Variants in RAP1GAP observed in about 807,000 individuals in gnomAD.
The protein encoded by RAP1GAP is rap1 GTPase-activating protein 1.
In RAP1GAP, 35 loss-of-function variants were observed where a neutral mutation model predicts 87.2. That is an observed-to-expected ratio of 0.40 (90% confidence interval 0.31 to 0.53). The LOEUF (loss-of-function observed/expected upper bound fraction) is 0.53. RAP1GAP is among the 20% of genes least tolerant of loss of function. The pLI is 0.48. For missense variants in RAP1GAP, 734 were observed against 898.9 expected, an observed-to-expected ratio of 0.82 and a Z score of 2.35; for synonymous variants, 375 against 363.9, an observed-to-expected ratio of 1.03 and a Z score of -0.35.
chr1:21,610,380 T>C, intron 13 of RAP1GAP, 105 bp from the exon 14 acceptor site: 2 of 1,212,222 alleles, frequency 1.6e-6, no homozygotes, highest in Non-Finnish European at 2.3e-6. Context: ...AGAGGGCACA[T>C]CTAAGGATTT....
chr1:21,626,225 T>C, intron 3 of RAP1GAP, 79 bp downstream of exon 3: 1 of 1,297,858 alleles, frequency 7.7e-7, no homozygotes. Flanking sequence ...AAAGTCATTC[T>C]TGGGCCTTTC....
intron 1 of RAP1GAP, among the ~76,000 whole-genome samples, chr1:21,661,624 C>T (rs781379353): frequency 6.6e-6 from 1 of 152,150 alleles, no homozygotes; most frequent in Non-Finnish European, 1.5e-5. Flanking sequence ...AAGAGGATGG[C>T]AATGATAATA....
In RAP1GAP at chr1:21,668,966, G is replaced by A. The variant is rs537168640; in HGVS notation, c.-149+288C>T. On this transcript the variant is annotated intron_variant, in intron 1 of 24. Transcript: ENST00000374765. The surrounding 1 kb of genome is among the most constrained non-coding windows in gnomAD (Gnocchi z 6.2). ...ACTGGACTCCCCACCCACCCAGGGG[G>A]GTGGGACCAAAGCCCCCTGGCCGCG... Among the ~76,000 whole-genome samples, 33 of 151,738 alleles carry A rather than the reference G, an allele frequency of 2.2e-4. No homozygotes were observed. The highest frequency in any genetic ancestry group is 7.2e-4 in the Admixed American group (11 of 15,300).
intron 13 of RAP1GAP, among the ~76,000 whole-genome samples, chr1:21,611,102 A>G (rs918136965): frequency 1.1e-4 from 17 of 151,332 alleles, no homozygotes; most frequent in Non-Finnish European, 4.4e-5. Context: ...GCTTTTCCTG[A>G]CTCCCACCTC....
intron 2 of RAP1GAP, among the ~76,000 whole-genome samples, chr1:21,642,753 C>G (rs2095638351): frequency 6.6e-6 from 1 of 152,092 alleles, no homozygotes; most frequent in African/African-American, 2.4e-5. Context: ...TTCCCTTCAC[C>G]TGTCAGGCCC....
At chr1:21,620,101 G>C (rs2085826133) in intron 3 of RAP1GAP, 51 bp from the exon 4 acceptor site, 2 of 1,609,490 alleles carry the variant, frequency 1.2e-6, no homozygotes, top group African/African-American at 2.7e-5. Flanking sequence ...CCAAGCCCCA[G>C]AGGAGTCTCC....
chr1:21,620,042 A>C lies in RAP1GAP; in HGVS notation c.-10T>G. On this transcript the variant is annotated 5_prime_UTR_variant, in exon 4 of 25. Coordinates refer to ENST00000374765, the MANE Select transcript of RAP1GAP (RefSeq NM_002885.4). ...GCATCTTCTCAATCATCTCAAATAGATCTGTGTTCTGCAACAGAGACAGGG... is the reference window on the plus strand; with the variant it reads ...GCATCTTCTCAATCATCTCAAATAGCTCTGTGTTCTGCAACAGAGACAGGG... The C allele has an allele frequency of 1.2e-6, 2 of 1,613,786 alleles. No individual in the cohort carries two copies. Among genetic ancestry groups the C allele is most frequent in the Non-Finnish European group, 1.7e-6 (2 of 1,179,902 alleles).
At chr1:21,649,195 G>A (rs750736151) in intron 2 of RAP1GAP, among the ~76,000 whole-genome samples, 15 of 152,140 alleles carry the variant, frequency 9.9e-5, no homozygotes, top group Non-Finnish European at 1.6e-4. Context: ...TGCACATACA[G>A]TTGCCTCGTT....
intron 1 of RAP1GAP, chr1:21,651,843 G>A (rs767311872): frequency 1.7e-4 from 191 of 1,142,644 alleles, no homozygotes; most frequent in Non-Finnish European, 9.6e-6. Flanking sequence ...CCGCCGCCCG[G>A]CCCGGCCCGC....
intron 2 of RAP1GAP, among the ~76,000 whole-genome samples, chr1:21,637,360 G>A (rs992046743): frequency 2.0e-5 from 3 of 150,472 alleles, no homozygotes; most frequent in African/African-American, 7.3e-5. Flanking sequence ...TCACCATGTT[G>A]CCCAAGCTGG....
At position 21,634,738 on chromosome 1, in the gene RAP1GAP, C is replaced by A; in HGVS notation, c.-112-8341G>T. 1 of 469,180 alleles carries A rather than the reference C, an allele frequency of 2.1e-6. No individual in the cohort carries two copies. The highest frequency in any genetic ancestry group is 2.1e-5 in the Admixed American group (1 of 46,990). The allele number at this position is 469,180 out of a possible 1,614,324, so 29.1% of individuals were successfully genotyped here. ...CCGGTCCCTGCCCAGGGCACAGCATCTGGGAACCAGGCCACCCATTTACCT... is the reference window on the plus strand; with the variant it reads ...CCGGTCCCTGCCCAGGGCACAGCATATGGGAACCAGGCCACCCATTTACCT... On this transcript the variant is annotated intron_variant, in intron 2 of 24. Coordinates refer to ENST00000374765, the MANE Select transcript of RAP1GAP (RefSeq NM_002885.4). This position sits in a 1 kb window ranked among gnomAD's most constrained non-coding sequence, Gnocchi z 4.1.
Position 21,651,915 on chromosome 1 carries a change from C to T in RAP1GAP, c.-148-2119G>A, listed in dbSNP as rs1264071441. ...TGGCAACGCGGCCGCCCCGCCCCCG[C>T]CCCCGCCCCAGCTCGGATACGTCCG... On this transcript the variant is annotated intron_variant, in intron 1 of 24. Coordinates refer to ENST00000374765, the MANE Select transcript of RAP1GAP (RefSeq NM_002885.4). 6.3e-6 allele frequency: 6 copies of T among 957,856 alleles called. No homozygotes were observed. In the East Asian group the frequency reaches 5.6e-4, roughly 89 times the overall value. The allele number at this position is 957,856 out of a possible 1,614,324, so 59.3% of individuals were successfully genotyped here. A position where few individuals can be genotyped will look rare whatever the true frequency, so the allele number is the denominator to read the frequency against.
At chr1:21,650,691 C>T (rs1368934679) in intron 1 of RAP1GAP, among the ~76,000 whole-genome samples, 1 of 152,188 alleles carries the variant, frequency 6.6e-6, no homozygotes, top group Non-Finnish European at 1.5e-5. Context: ...CAGGACTTGC[C>T]CAAGGTCATA....
At position 21,618,933 on chromosome 1, in the gene RAP1GAP, G is replaced by A. The variant is rs2084401182; in HGVS notation, c.66+92C>T. 12 of 1,381,610 alleles carry A rather than the reference G, an allele frequency of 8.7e-6. No individual in the cohort carries two copies. The South Asian group carries it at 1.5e-4, about 18-fold the overall frequency. The allele number at this position is 1,381,610 out of a possible 1,614,324, so 85.6% of individuals were successfully genotyped here. A position where few individuals can be genotyped will look rare whatever the true frequency, so the allele number is the denominator to read the frequency against. On this transcript the variant is annotated intron_variant, in intron 5 of 24. Coordinates refer to ENST00000374765, the MANE Select transcript of RAP1GAP (RefSeq NM_002885.4). ...ACTGTAAGACTACTTGCTGAAAGGG[G>A]ATGGATTTCCTGCTTGATGGGCAGT...
In RAP1GAP at chr1:21,613,754, A is replaced by C. The variant is rs1478086149; in HGVS notation, c.396-48T>G. ...TGAAGGCCTGGGCAGCAGGACAGGAAAATGGGAACCCCACCCCCCACAAAG... is the reference window on the plus strand; with the variant it reads ...TGAAGGCCTGGGCAGCAGGACAGGACAATGGGAACCCCACCCCCCACAAAG... On this transcript the variant is annotated intron_variant, in intron 8 of 24. Coordinates refer to ENST00000374765, the MANE Select transcript of RAP1GAP (RefSeq NM_002885.4). This position sits in a 1 kb window ranked among gnomAD's most constrained non-coding sequence, Gnocchi z 4.7. The C allele has an allele frequency of 1.3e-6, 2 of 1,538,070 alleles. No individual in the cohort carries two copies. The highest frequency in any genetic ancestry group is 4.5e-5 in the East Asian group (2 of 44,490).
intron 2 of RAP1GAP, among the ~76,000 whole-genome samples, chr1:21,647,443 G>T (rs955717937): frequency 6.6e-6 from 1 of 152,250 alleles, no homozygotes; most frequent in African/African-American, 2.4e-5. Context: ...CAGCCTGGGC[G>T]ACAGAGTGAG....
rs960910163 is a variant in RAP1GAP, at chr1:21,609,918, G to A, written c.999+202C>T. On this transcript the variant is annotated intron_variant, in intron 14 of 24. Transcript: ENST00000374765. This position sits in a 1 kb window ranked among gnomAD's most constrained non-coding sequence, Gnocchi z 4.4. ...GGAGGACAGTGATACCAGGCCAGGAGGCAGAGGAGGGAAACTGTCCTCTCT... is the reference window on the plus strand; with the variant it reads ...GGAGGACAGTGATACCAGGCCAGGAAGCAGAGGAGGGAAACTGTCCTCTCT... Among the ~76,000 whole-genome samples, 2 of 152,234 alleles carry A rather than the reference G, an allele frequency of 1.3e-5. 1 individual carries two copies. Among genetic ancestry groups the A allele is most frequent in the African/African-American group, 4.8e-5 (2 of 41,462 alleles).
chr1:21,661,160 A>G (rs2152337898), intron 1 of RAP1GAP, among the ~76,000 whole-genome samples: 1 of 152,108 alleles, frequency 6.6e-6, no homozygotes, highest in Middle Eastern at 3.4e-3. Context: ...GCTGAGGCAC[A>G]AGAATCGCTT....
intron 2 of RAP1GAP, among the ~76,000 whole-genome samples, chr1:21,643,317 T>G (rs1558842230): frequency 6.6e-6 from 1 of 151,814 alleles, no homozygotes. Flanking sequence ...CCTAGCACCT[T>G]GGGAGGCCGA....
Sources: allele counts gnomAD v4.1 joint callset (sites outside exome capture counted in the v4.1 genomes callset), GRCh38; gene constraint gnomAD v4.1.1; non-coding constraint Gnocchi (gnomAD v3.1); transcripts MANE v1.5; gene names NCBI Gene and HGNC (gene_info 2026-07-23, HGNC 2026-07-21).